Variants in PIBF1 observed in about 807,000 individuals in gnomAD.
PIBF1 encodes progesterone immunomodulatory binding factor 1, also known as progesterone-induced-blocking factor 1.
Under a neutral mutation model 112.5 loss-of-function variants are expected in PIBF1, and 90 were observed. The ratio of observed to expected loss-of-function variants is 0.80; its 90% CI spans 0.67 to 0.95. The LOEUF (loss-of-function observed/expected upper bound fraction) is 0.95. Among genes scored for constraint, PIBF1 ranks in the 40% least tolerant of loss-of-function variants. The probability of loss-of-function intolerance (pLI) is 0.00; values close to 1 mark genes in which losing one functional copy is unlikely to be tolerated. For synonymous variants in PIBF1, 301 were observed against 288.6 expected, an observed-to-expected ratio of 1.04 and a Z score of -0.44; for missense variants, 915 against 852.3, an observed-to-expected ratio of 1.07 and a Z score of -0.92.
intron 14 of PIBF1, among the ~76,000 whole-genome samples, chr13:72,936,696 T>C (rs2041880563): frequency 6.6e-6 from 1 of 152,204 alleles, no homozygotes. Context: ...AGCTTTATAA[T>C]ATCTGGAAAT....
At chr13:72,892,785 TACACACAC>T (rs113653296) in intron 10 of PIBF1, among the ~76,000 whole-genome samples, 7 of 140,710 alleles carry the variant, frequency 5.0e-5, no homozygotes, top group African/African-American at 1.8e-4. Context: ...CCTCCTGCCT[TACACACAC>T]ACACACACAC....
chr13:72,870,671 G>A (rs2039123199), intron 10 of PIBF1, among the ~76,000 whole-genome samples: 1 of 152,064 alleles, frequency 6.6e-6, no homozygotes, highest in Non-Finnish European at 1.5e-5. Context: ...GAAGTCTGTT[G>A]TAGGCTGTGA....
In PIBF1 at chr13:72,918,706, C is replaced by CT. The variant is rs71099768; in HGVS notation, c.1730+1556dup. ...ACCATGCCCAGTCTAGCAACTACAT[C>CT]TTTTTTTTTTTTTTTTGAGACAGAG... is the stretch of plus-strand genomic sequence containing the variant. On this transcript the variant is annotated intron_variant, in intron 13 of 17. Coordinates refer to ENST00000326291, the MANE Select transcript of PIBF1 (RefSeq NM_006346.4). 3.1e-3 allele frequency among the ~76,000 whole-genome samples: 417 copies of CT among 132,556 alleles called. 1 individual carries two copies. Among genetic ancestry groups the CT allele is most frequent in the African/African-American group, 8.0e-3 (283 of 35,438 alleles). 87.0% of individuals were successfully genotyped at this position (132,556 alleles called of 152,430 possible). A position where few individuals can be genotyped will look rare whatever the true frequency, so the allele number is the denominator to read the frequency against.
intron 14 of PIBF1, among the ~76,000 whole-genome samples, chr13:72,949,041 A>G (rs1314006678): frequency 6.6e-6 from 1 of 152,186 alleles, no homozygotes. Flanking sequence ...ATTCAAATAC[A>G]ATCAGTCTAC....
intron 10 of PIBF1, among the ~76,000 whole-genome samples, chr13:72,890,014 G>A (rs78992088): frequency 0.022 from 3,340 of 152,216 alleles, 135 homozygotes; most frequent in African/African-American, 0.076. Context: ...CTTTCACTGT[G>A]TTACCCAATG....
chr13:72,985,180 C>A (rs368162098), intron 16 of PIBF1, among the ~76,000 whole-genome samples: 168 of 150,344 alleles, frequency 1.1e-3, no homozygotes, highest in Admixed American at 7.3e-3. Flanking sequence ...GACACACACA[C>A]AAAAAAAAAC....
At chr13:72,927,968 T>TATATATACACAC (rs1566457953) in intron 13 of PIBF1, among the ~76,000 whole-genome samples, 6 of 122,468 alleles carry the variant, frequency 4.9e-5, no homozygotes, top group Non-Finnish European at 1.0e-4. Context: ...TACACATATA[T>TATATATACACAC]ATATATATAC....
intron 2 of PIBF1, 29 bp downstream of exon 2, chr13:72,783,750 A>T: frequency 6.3e-7 from 1 of 1,599,094 alleles, no homozygotes; most frequent in Non-Finnish European, 8.6e-7. Flanking sequence ...TTTGTGTTCT[A>T]TATGCTTTAT....
intron 10 of PIBF1, among the ~76,000 whole-genome samples, chr13:72,888,706 G>A (rs543026906): frequency 3.4e-4 from 52 of 151,700 alleles, no homozygotes; most frequent in Admixed American, 8.5e-4. Context: ...TGGAAAAAAC[G>A]GATCCCAAGA....
chr13:72,848,724 C>T (rs1306052628), intron 9 of PIBF1, among the ~76,000 whole-genome samples: 1 of 151,380 alleles, frequency 6.6e-6, no homozygotes. Context: ...CCCAGCTACT[C>T]AGGAGGCTGA....
chr13:72,926,315 A>C (rs1395369964), intron 13 of PIBF1, among the ~76,000 whole-genome samples: 2 of 152,256 alleles, frequency 1.3e-5, no homozygotes, highest in African/African-American at 4.8e-5. Flanking sequence ...TTATGTACGC[A>C]TGTGCTATCA....
At chr13:72,980,368 G>A (rs1359202434) in intron 16 of PIBF1, among the ~76,000 whole-genome samples, 3 of 152,188 alleles carry the variant, frequency 2.0e-5, no homozygotes, top group Admixed American at 1.3e-4. Context: ...CATCAGTGAC[G>A]AGCATCAGGA....
chr13:72,895,933 G>C (rs2138584625), intron 11 of PIBF1, among the ~76,000 whole-genome samples: 1 of 152,258 alleles, frequency 6.6e-6, no homozygotes, highest in East Asian at 1.9e-4. Flanking sequence ...GTTGTGTTGG[G>C]GGGAGCCAGT....
chr13:72,991,700 G>T (rs1453703282), intron 16 of PIBF1, among the ~76,000 whole-genome samples: 1 of 151,652 alleles, frequency 6.6e-6, no homozygotes, highest in Non-Finnish European at 1.5e-5. Context: ...ACCAGCCTGG[G>T]CAACACACCC....
At chr13:72,924,959 G>A (rs1041890552) in intron 13 of PIBF1, among the ~76,000 whole-genome samples, 15 of 152,176 alleles carry the variant, frequency 9.9e-5, no homozygotes, top group African/African-American at 3.6e-4. Context: ...AACTCGACGG[G>A]AGCCTTTAAA....
chr13:72,889,868 G>A (rs1010602810), intron 10 of PIBF1, among the ~76,000 whole-genome samples: 2 of 152,144 alleles, frequency 1.3e-5, no homozygotes, highest in Non-Finnish European at 1.5e-5. Context: ...TTTACCGAAT[G>A]AGATTTGATA....
intron 13 of PIBF1, among the ~76,000 whole-genome samples, chr13:72,925,542 CTTTT>C (rs59074858): frequency 2.0e-5 from 2 of 102,030 alleles, no homozygotes; most frequent in African/African-American, 7.5e-5. Flanking sequence ...CTTTCTCTCT[CTTTT>C]TTTTTTTTTT....
chr13:72,790,390 T>C (rs2034834472), intron 2 of PIBF1, among the ~76,000 whole-genome samples: 1 of 150,582 alleles, frequency 6.6e-6, no homozygotes, highest in Admixed American at 6.7e-5. Flanking sequence ...TTCCTAAATG[T>C]AATTGTCAGT....
At chr13:72,784,688 G>A (rs1206031313) in intron 2 of PIBF1, among the ~76,000 whole-genome samples, 1 of 151,790 alleles carries the variant, frequency 6.6e-6, no homozygotes, top group Non-Finnish European at 1.5e-5. Context: ...GAATCCGGGG[G>A]CAGACATTGC....
Sources: gnomAD v4.1 joint callset for allele counts (sites outside exome capture counted in the v4.1 genomes callset) on GRCh38, gnomAD v4.1.1 for gene constraint, MANE v1.5 for transcripts, NCBI Gene and HGNC (gene_info 2026-07-23, HGNC 2026-07-21) for gene names.